LAMA2: variants seen among roughly 807,000 people sequenced by gnomAD.
LAMA2 encodes the protein laminin subunit alpha-2.
LAMA2 carries 269 observed loss-of-function variants against 364.8 expected under a neutral mutation model. The ratio of observed to expected loss-of-function variants is 0.74; its 90% CI spans 0.67 to 0.82. The LOEUF is 0.82. Ranked by LOEUF, LAMA2 falls within the 40% of genes least tolerant of loss-of-function variation. LAMA2 has a pLI of 0.00. For synonymous variants in LAMA2, 1,379 were observed against 1,370.6 expected, an observed-to-expected ratio of 1.01 and a Z score of -0.14; for missense variants, 3,807 against 3,873.2, an observed-to-expected ratio of 0.98 and a Z score of 0.45.
chr6:129,349,142 G>A (rs143198308), intron 30 of LAMA2, among the ~76,000 whole-genome samples, 156 bp from the exon 31 acceptor site: 28 of 152,124 alleles, frequency 1.8e-4, no homozygotes, highest in Non-Finnish European at 2.8e-4. Flanking sequence ...TCATTGTGAC[G>A]TCCTAGCCTT....
chr6:129,149,160 G>T (rs573607377), intron 7 of LAMA2, 64 bp downstream of exon 7: 15 of 966,464 alleles, frequency 1.6e-5, no homozygotes, highest in South Asian at 1.5e-4. Flanking sequence ...AGCCAGTAAT[G>T]AAAAATAGTG....
intron 40 of LAMA2, among the ~76,000 whole-genome samples, chr6:129,407,704 A>T (rs1780316912): frequency 6.6e-6 from 1 of 152,094 alleles, no homozygotes; most frequent in African/African-American, 2.4e-5. Flanking sequence ...ATGGCTTTTT[A>T]CCTGGTGGGG....
At chr6:129,237,005 G>A (rs2115145016) in intron 12 of LAMA2, among the ~76,000 whole-genome samples, 1 of 152,268 alleles carries the variant, frequency 6.6e-6, no homozygotes, top group Non-Finnish European at 1.5e-5. Flanking sequence ...AGACTGTGAA[G>A]GTTCAAATCC....
At chr6:129,096,046 C>A (rs1431988267) in intron 3 of LAMA2, among the ~76,000 whole-genome samples, 1 of 152,112 alleles carries the variant, frequency 6.6e-6, no homozygotes, top group East Asian at 1.9e-4. Context: ...GTAGTTAGGA[C>A]CAAGATATTT....
At chr6:129,433,610 A>G (rs182663029) in intron 41 of LAMA2, among the ~76,000 whole-genome samples, 1 of 152,198 alleles carries the variant, frequency 6.6e-6, no homozygotes, top group African/African-American at 2.4e-5. Context: ...GAGAAACTCA[A>G]CTGGATGGAA....
Position 129,492,050 on chromosome 6 carries a change from G to A in LAMA2, c.8048G>A (p.Cys2683Tyr), listed in dbSNP as rs1262005769. Reference protein sequence around the residue: ...PLRNIPPFEGCIWNLVINSVP... With the variant: ...PLRNIPPFEGYIWNLVINSVP... ...AGAAATATTCCTCCTTTTGAAGGCT[G>A]CATATGGAATCTTGTTATTAACTCT... The change falls in exon 57 of 65, where the codon TGC becomes TAC. Residue 2683 changes from cysteine to tyrosine, a missense_variant. Physicochemically the swap from Cys to Tyr is radical, Grantham distance 194. This residue lies in a region of LAMA2 where 3,333 missense variants were observed against 3,345.7 expected (regional missense o/e 1.00). Coordinates refer to ENST00000421865, the MANE Select transcript of LAMA2 (RefSeq NM_000426.4). 4 of 1,613,848 alleles carry A rather than the reference G, an allele frequency of 2.5e-6. No individual in the cohort carries two copies. In the African/African-American group the frequency reaches 5.3e-5, roughly 22 times the overall value.
intron 9 of LAMA2, among the ~76,000 whole-genome samples, chr6:129,169,548 G>T (rs1255801894): frequency 2.6e-5 from 4 of 151,822 alleles, no homozygotes; most frequent in African/African-American, 9.7e-5. Context: ...TTGATGTGCT[G>T]CTGGATTCGT....
intron 32 of LAMA2, among the ~76,000 whole-genome samples, chr6:129,364,241 CCTT>C (rs1273661882): frequency 6.6e-6 from 1 of 152,218 alleles, no homozygotes; most frequent in Admixed American, 6.5e-5. Context: ...TCTCCGTCCT[CCTT>C]CTCTTTGTTT....
chr6:129,068,476 C>T (rs1356272911), intron 3 of LAMA2, among the ~76,000 whole-genome samples: 4 of 152,200 alleles, frequency 2.6e-5, no homozygotes, highest in Non-Finnish European at 5.9e-5. Flanking sequence ...GCTGTAGCCT[C>T]ACATGGCAGA....
intron 4 of LAMA2, among the ~76,000 whole-genome samples, chr6:129,110,286 TA>T (rs1330310066): frequency 6.6e-6 from 1 of 152,034 alleles, no homozygotes; most frequent in African/African-American, 2.4e-5. Context: ...AAAGAACTAT[TA>T]AATGAACTTG....
intron 29 of LAMA2, among the ~76,000 whole-genome samples, chr6:129,336,637 G>A (rs1255854565): frequency 6.6e-6 from 1 of 152,178 alleles, no homozygotes. Context: ...AAACAGCAGA[G>A]GCCATATCCA....
intron 3 of LAMA2, among the ~76,000 whole-genome samples, chr6:129,088,028 C>T (rs2114851660): frequency 1.0e-5 from 1 of 99,870 alleles, no homozygotes; most frequent in East Asian, 2.8e-4. Flanking sequence ...TTTTCCTAGG[C>T]AGAGGACCCT....
intron 41 of LAMA2, among the ~76,000 whole-genome samples, chr6:129,438,334 T>C (rs544548832): frequency 6.0e-4 from 91 of 151,970 alleles, no homozygotes; most frequent in African/African-American, 2.1e-3. Context: ...TAATTACAAA[T>C]GGAATAAAAG....
chr6:128,903,429 G>A (rs1206550230), intron 1 of LAMA2, among the ~76,000 whole-genome samples: 1 of 152,112 alleles, frequency 6.6e-6, no homozygotes, highest in Non-Finnish European at 1.5e-5. Flanking sequence ...TGATTTACAT[G>A]GTTGTATGGA....
intron 12 of LAMA2, among the ~76,000 whole-genome samples, chr6:129,230,782 T>C (rs1784628895): frequency 6.6e-6 from 1 of 152,030 alleles, no homozygotes; most frequent in Non-Finnish European, 1.5e-5. Flanking sequence ...TTAACTGACG[T>C]TGTGGTTAAG....
At chr6:129,337,180 G>A (rs1346667978) in intron 29 of LAMA2, among the ~76,000 whole-genome samples, 1 of 152,148 alleles carries the variant, frequency 6.6e-6, no homozygotes, top group African/African-American at 2.4e-5. Flanking sequence ...ACACATATTA[G>A]CAATTCATGT....
intron 12 of LAMA2, among the ~76,000 whole-genome samples, chr6:129,224,042 C>T (rs1183098485): frequency 6.6e-6 from 1 of 152,154 alleles, no homozygotes; most frequent in Non-Finnish European, 1.5e-5. Context: ...TTGCAGTTCT[C>T]CTTGAAGAGG....
intron 34 of LAMA2, among the ~76,000 whole-genome samples, chr6:129,373,863 G>GA (rs1266945164): frequency 1.3e-5 from 2 of 152,102 alleles, no homozygotes; most frequent in African/African-American, 4.8e-5. Flanking sequence ...TATTACTGTG[G>GA]ATATTGACCC....
At chr6:129,425,344 C>A (rs1238881756) in intron 40 of LAMA2, among the ~76,000 whole-genome samples, 1 of 152,068 alleles carries the variant, frequency 6.6e-6, no homozygotes, top group Non-Finnish European at 1.5e-5. Flanking sequence ...ATTTTAGCCT[C>A]TTTCACTGTT....
Sources: allele counts gnomAD v4.1 joint callset (sites outside exome capture counted in the v4.1 genomes callset), GRCh38; gene constraint gnomAD v4.1.1; regional missense constraint gnomAD v4.1.1; transcripts MANE v1.5; gene names NCBI Gene and HGNC (gene_info 2026-07-23, HGNC 2026-07-21).